The following CLDN14 variants were observed in gnomAD, a reference collection of about 807,000 sequenced individuals.
The protein encoded by CLDN14 is claudin-14.
Under a neutral mutation model 2.1 loss-of-function variants are expected in CLDN14, and 2 were observed. The ratio of observed to expected loss-of-function variants is 0.96; its 90% confidence interval spans 0.39 to 3.01. The LOEUF (loss-of-function observed/expected upper bound fraction) is 3.01. CLDN14 is among the 30% of genes most tolerant of loss of function. The pLI is 0.09. For synonymous variants in CLDN14, 136 were observed against 154.4 expected (o/e 0.88, Z 0.88); for missense variants, 298 against 328.0 (o/e 0.91, Z 0.71).
At chr21:36,486,098 TC>T in intron 2 of CLDN14, 1 of 1,354,586 alleles carries the variant, frequency 7.4e-7, no homozygotes, top group Non-Finnish European at 1.1e-6. Flanking sequence ...TGGGAGGTTC[TC>T]CAGGACACTC....
intron 1 of CLDN14, among the ~76,000 whole-genome samples, chr21:36,521,456 T>C (rs575179484): frequency 3.9e-5 from 6 of 152,232 alleles, no homozygotes; most frequent in Non-Finnish European, 7.3e-5. Flanking sequence ...TTAAGAAATA[T>C]AGCTTCAGAC....
chr21:36,563,176 G>T (rs1291509943), intron 1 of CLDN14, among the ~76,000 whole-genome samples: 2 of 152,192 alleles, frequency 1.3e-5, no homozygotes, highest in Admixed American at 6.5e-5. Context: ...ACAAGAAAAT[G>T]CATGACACTG....
chr21:36,509,072 A>G (rs1036972857), intron 2 of CLDN14, among the ~76,000 whole-genome samples: 1 of 152,242 alleles, frequency 6.6e-6, no homozygotes, highest in African/African-American at 2.4e-5. Context: ...TATTGAAAGA[A>G]TATATAAAAA....
At chr21:36,503,388 T>C (rs1054904121) in intron 2 of CLDN14, among the ~76,000 whole-genome samples, 41 of 152,228 alleles carry the variant, frequency 2.7e-4, no homozygotes, top group African/African-American at 9.6e-4. Context: ...CCAAATCTCA[T>C]CTTGAATTCC....
At chr21:36,511,355 C>G (rs947137964) in intron 1 of CLDN14, among the ~76,000 whole-genome samples, 5 of 152,210 alleles carry the variant, frequency 3.3e-5, no homozygotes, top group Non-Finnish European at 5.9e-5. Flanking sequence ...TAGCTGTTTA[C>G]TTAGACCAGA....
rs1354450164 is a variant in CLDN14, at chr21:36,506,812, T to C, written c.-82+3551A>G. Among the ~76,000 whole-genome samples, 3 of 152,048 alleles carry C rather than the reference T, an allele frequency of 2.0e-5. No individual in the cohort carries two copies. In the East Asian group the frequency reaches 5.8e-4, roughly 29 times the overall value. On this transcript the variant is annotated intron_variant, in intron 2 of 2. Coordinates refer to the CLDN14 transcript ENST00000342108. ...AATTTAATAGGGAGCAAGGTATCTA[T>C]TGCAGAGCATCAAGAGTTACAAGAG...
chr21:36,536,597 T>A (rs2087425240), intron 1 of CLDN14, among the ~76,000 whole-genome samples: 1 of 152,250 alleles, frequency 6.6e-6, no homozygotes, highest in South Asian at 2.1e-4. Flanking sequence ...ATCTTTAAAC[T>A]ATTTTTTCAT....
chr21:36,559,246 G>A (rs1377134995), intron 1 of CLDN14, among the ~76,000 whole-genome samples: 4 of 151,980 alleles, frequency 2.6e-5, no homozygotes, highest in African/African-American at 7.3e-5. Flanking sequence ...TTGTCGCCCA[G>A]GCTGGAGTGC....
intron 2 of CLDN14, among the ~76,000 whole-genome samples, chr21:36,490,949 GACACACACACACACACACAC>G (rs3030068): frequency 6.7e-6 from 1 of 148,756 alleles, no homozygotes; most frequent in East Asian, 2.0e-4. Flanking sequence ...CAAGTGCACA[GACACACACACACACACACAC>G]ACACACACAC....
chr21:36,471,481 T>C (rs2086710188), intron 1 of CLDN14, among the ~76,000 whole-genome samples: 1 of 151,904 alleles, frequency 6.6e-6, no homozygotes, highest in Non-Finnish European at 1.5e-5. Flanking sequence ...TGTGTGCAAT[T>C]GGCTGGGGTA....
chr21:36,556,976 C>T (rs1462806005), intron 1 of CLDN14, among the ~76,000 whole-genome samples: 1 of 152,180 alleles, frequency 6.6e-6, no homozygotes, highest in Admixed American at 6.5e-5. Flanking sequence ...TCCTGACAAC[C>T]ACCATCTACT....
rs920112163 is a variant in CLDN14, at chr21:36,468,805, G to C, written c.-81-7029C>G. The stretch of plus-strand genomic sequence containing the variant: ...GACAGAATCTCGCTCTGTCACCCAG[G>C]CTGGAGTACAGTGGCACGATCTTGG... On this transcript the variant is annotated intron_variant, in intron 1 of 1. Transcript: ENST00000399135. Among the ~76,000 whole-genome samples the C allele has an allele frequency of 1.3e-4, 19 of 151,170 alleles. 1 individual carries two copies. The highest frequency in any genetic ancestry group is 1.1e-3 in the Admixed American group (16 of 15,154).
intron 2 of CLDN14, among the ~76,000 whole-genome samples, chr21:36,507,164 A>C (rs904825643): frequency 6.6e-6 from 1 of 151,888 alleles, no homozygotes. Flanking sequence ...AGCAAATATC[A>C]GTCAGCCAAA....
intron 1 of CLDN14, among the ~76,000 whole-genome samples, chr21:36,462,409 C>T (rs1306586188): frequency 1.3e-5 from 2 of 152,120 alleles, no homozygotes; most frequent in Non-Finnish European, 2.9e-5. Context: ...CCCTCCTCTC[C>T]AGCACGGACC....
chr21:36,511,200 T>C (rs1419151973), intron 1 of CLDN14, among the ~76,000 whole-genome samples: 3 of 152,052 alleles, frequency 2.0e-5, no homozygotes, highest in African/African-American at 7.2e-5. Flanking sequence ...TCAGGCTGGG[T>C]TCCCAGAGGG....
At chr21:36,535,637 T>C (rs932035870) in intron 1 of CLDN14, among the ~76,000 whole-genome samples, 2 of 152,148 alleles carry the variant, frequency 1.3e-5, no homozygotes, top group Admixed American at 6.5e-5. Context: ...AGAAAGGAGA[T>C]GAACAGGTGC....
At chr21:36,572,371 T>C (rs1264897963) in intron 1 of CLDN14, among the ~76,000 whole-genome samples, 2 of 148,028 alleles carry the variant, frequency 1.4e-5, no homozygotes, top group Non-Finnish European at 1.5e-5. Flanking sequence ...TTGTGCTTGG[T>C]GCTCTGGGTG....
intron 1 of CLDN14, among the ~76,000 whole-genome samples, chr21:36,547,577 C>T (rs1340052019): frequency 3.3e-5 from 5 of 152,108 alleles, no homozygotes; most frequent in Admixed American, 6.5e-5. Flanking sequence ...CCGCTGCTCC[C>T]GGCATGATGG....
At chr21:36,519,727 C>A (rs1977927) in intron 1 of CLDN14, among the ~76,000 whole-genome samples, 3,302 of 100,364 alleles carry the variant, frequency 0.033, 121 homozygotes, top group African/African-American at 0.094. Context: ...ACAACAACAA[C>A]AACAACAAAA....
Sources: allele counts gnomAD v4.1 joint callset (sites outside exome capture counted in the v4.1 genomes callset), GRCh38; gene constraint gnomAD v4.1.1; transcripts MANE v1.5; gene names NCBI Gene and HGNC (gene_info 2026-07-23, HGNC 2026-07-21).